BOLA3: variants seen among roughly 807,000 people sequenced by gnomAD.
The protein encoded by BOLA3 is bolA family member 3, also known as bolA-like protein 3.
In BOLA3, 8 loss-of-function variants were observed where a neutral mutation model predicts 14.5. The observed-to-expected ratio is 0.55, with a 90% CI of 0.32 to 0.99. BOLA3 has a LOEUF of 0.99. BOLA3 is among the 50% of genes least tolerant of loss of function. The pLI is 0.04. For synonymous variants in BOLA3, 42 were observed against 45.7 expected, an observed-to-expected ratio of 0.92 and a Z score of 0.33; for missense variants, 115 against 138.2, an observed-to-expected ratio of 0.83 and a Z score of 0.84.
Position 74,147,486 on chromosome 2 carries a change from C to A in BOLA3, c.54+335G>T, listed in dbSNP as rs1692567718. 6.9e-5 allele frequency: 25 copies of A among 359,908 alleles called. No homozygotes were observed. In the South Asian group the frequency reaches 7.2e-4, roughly 10 times the overall value. The allele number at this position is 359,908 out of a possible 1,614,324, so 22.3% of individuals were successfully genotyped here. A position where few individuals can be genotyped will look rare whatever the true frequency, so the allele number is the denominator to read the frequency against. On this transcript the variant is annotated intron_variant, in intron 1 of 3. Transcript: ENST00000327428. Reference sequence around the variant, plus strand: ...CTCGCACCCACGCCTTGACTCTGGGCTATGACTCCTGTCTTCTGCTCGGTA... The same window carrying A: ...CTCGCACCCACGCCTTGACTCTGGGATATGACTCCTGTCTTCTGCTCGGTA...
chr2:74,137,749 G>A (rs1409173751), intron 3 of BOLA3, among the ~76,000 whole-genome samples: 2 of 152,154 alleles, frequency 1.3e-5, no homozygotes, highest in Non-Finnish European at 2.9e-5. Flanking sequence ...GGGGGACAAT[G>A]AGCTGCCCCA....
At chr2:74,145,995 C>CTT (rs111883855) in intron 1 of BOLA3, 8 of 139,916 alleles carry the variant, frequency 5.7e-5, no homozygotes, top group South Asian at 2.3e-4. Context: ...TTTGTGTTTC[C>CTT]TTTTTTTTTT....
intron 1 of BOLA3, 22 bp downstream of exon 1, chr2:74,147,799 C>T (rs1170029865): frequency 1.3e-6 from 2 of 1,530,020 alleles, no homozygotes; most frequent in Non-Finnish European, 1.7e-6. Context: ...GGGAGAGCAG[C>T]CCCGACCCTG....
At chr2:74,142,848 C>T (rs1461532745) in intron 2 of BOLA3, among the ~76,000 whole-genome samples, 4 of 152,228 alleles carry the variant, frequency 2.6e-5, no homozygotes, top group African/African-American at 9.6e-5. Flanking sequence ...GCCAGGGACA[C>T]AGCAAACATG....
chr2:74,141,375 G>T (rs1320715529), intron 3 of BOLA3, among the ~76,000 whole-genome samples: 1 of 151,730 alleles, frequency 6.6e-6, no homozygotes, highest in Admixed American at 6.6e-5. Context: ...AAAAAAGGGG[G>T]CCGGGGAGGG....
intron 1 of BOLA3, 60 bp from the exon 2 acceptor site, chr2:74,145,363 G>T: frequency 9.4e-7 from 1 of 1,065,380 alleles, no homozygotes; most frequent in Non-Finnish European, 1.5e-6. Flanking sequence ...CCTGAGCTGG[G>T]CCACTGTGCA....
At chr2:74,147,758 G>A (rs1692574020) in intron 1 of BOLA3, 63 bp downstream of exon 1, 1 of 1,505,842 alleles carries the variant, frequency 6.6e-7, no homozygotes, top group South Asian at 1.2e-5. Context: ...ACAGCCGCCG[G>A]CCCCGCGGTC....
rs1255286222 is a variant in BOLA3 at position 74,142,345 on chromosome 2, A to G, written c.185T>C (p.Met62Thr). The G allele has an allele frequency of 6.2e-7, 1 of 1,613,048 alleles. No individual in the cohort carries two copies. Among genetic ancestry groups the G allele is most frequent in the South Asian group, 1.1e-5 (1 of 91,050 alleles). Reference sequence around the variant, plus strand: ...TTCTGATTCAATTTTAATTTCATACATCGCCCCACAACCTCCTAAAATAAA... The same window carrying G: ...TTCTGATTCAATTTTAATTTCATACGTCGCCCCACAACCTCCTAAAATAAA... Reference protein sequence around the residue: ...VTDISGGCGAMYEIKIESEEF... With the variant: ...VTDISGGCGATYEIKIESEEF... The change falls in exon 3 of 4, where the codon ATG (methionine) becomes ACG (threonine). Residue 62 changes from methionine to threonine, a missense_variant. Physicochemically the swap from Met to Thr is moderately conservative, Grantham distance 81. Transcript: ENST00000327428.
chr2:74,135,576 A>G lies in BOLA3; in HGVS notation c.*17T>C. On this transcript the variant is annotated 3_prime_UTR_variant, in exon 4 of 4. Transcript: ENST00000327428. ...TCCAAGGTCTTAAGCAGCAGCATCT[A>G]TGCAGCCAGGGCGTGGTCAGCGTTT... is the stretch of plus-strand genomic sequence containing the variant. 6.2e-7 allele frequency: 1 copy of G among 1,613,996 alleles called. No individual in the cohort carries two copies. The highest frequency in any genetic ancestry group is 8.5e-7 in the Non-Finnish European group (1 of 1,179,912).
intron 3 of BOLA3, among the ~76,000 whole-genome samples, chr2:74,141,990 A>G (rs1423660123): frequency 6.6e-6 from 1 of 152,246 alleles, no homozygotes; most frequent in Admixed American, 6.5e-5. Context: ...GTGTTTAGAT[A>G]TACTCATCAA....
chr2:74,137,221 C>G (rs879270532), intron 3 of BOLA3, among the ~76,000 whole-genome samples: 6 of 152,194 alleles, frequency 3.9e-5, no homozygotes, highest in Non-Finnish European at 8.8e-5. Flanking sequence ...TGGCACATGA[C>G]CCAAATTGGG....
intron 3 of BOLA3, among the ~76,000 whole-genome samples, chr2:74,140,288 A>G (rs375611881): frequency 5.3e-5 from 8 of 152,050 alleles, no homozygotes; most frequent in African/African-American, 1.2e-4. Flanking sequence ...TGTGGGAGGG[A>G]AAAAAAAGAA....
At chr2:74,137,918 T>G (rs60677979) in intron 3 of BOLA3, among the ~76,000 whole-genome samples, 1,976 of 152,346 alleles carry the variant, frequency 0.013, 35 homozygotes, top group African/African-American at 0.045. Flanking sequence ...CCCTAGAGAC[T>G]GTGTCTGTGC....
At chr2:74,137,569 C>T (rs1692357443) in intron 3 of BOLA3, among the ~76,000 whole-genome samples, 1 of 151,660 alleles carries the variant, frequency 6.6e-6, no homozygotes, top group African/African-American at 2.4e-5. Flanking sequence ...CAATCTAGTC[C>T]CATCCCCTTA....
chr2:74,137,140 G>A (rs1419470406), intron 3 of BOLA3, among the ~76,000 whole-genome samples: 1 of 152,138 alleles, frequency 6.6e-6, no homozygotes, highest in African/African-American at 2.4e-5. Flanking sequence ...GTATAATTCT[G>A]GTGGAACCAC....
chr2:74,140,331 G>C (rs939336318), intron 3 of BOLA3, among the ~76,000 whole-genome samples: 3 of 152,144 alleles, frequency 2.0e-5, no homozygotes, highest in African/African-American at 7.2e-5. Context: ...CCAATGTCAG[G>C]ATGTGAGTTC....
intron 3 of BOLA3, among the ~76,000 whole-genome samples, chr2:74,137,919 G>A (rs1181920955): frequency 1.3e-5 from 2 of 152,236 alleles, no homozygotes; most frequent in Non-Finnish European, 2.9e-5. Context: ...CCTAGAGACT[G>A]TGTCTGTGCC....
chr2:74,141,069 G>A (rs1306851576), intron 3 of BOLA3, among the ~76,000 whole-genome samples: 1 of 152,188 alleles, frequency 6.6e-6, no homozygotes, highest in African/African-American at 2.4e-5. Context: ...AAGTGCCACG[G>A]GTTGGGGATC....
intron 1 of BOLA3, 122 bp downstream of exon 1, chr2:74,147,699 C>T: frequency 1.2e-6 from 1 of 835,550 alleles, no homozygotes; most frequent in African/African-American, 1.7e-5. Context: ...GAGGAGCCCC[C>T]CATTGCCAGT....
Sources: gnomAD v4.1 joint callset for allele counts (sites outside exome capture counted in the v4.1 genomes callset) on GRCh38, gnomAD v4.1.1 for gene constraint, MANE v1.5 for transcripts, NCBI Gene and HGNC (gene_info 2026-07-23, HGNC 2026-07-21) for gene names.